SNAP47: variants seen among roughly 807,000 people sequenced by gnomAD.
SNAP47 encodes synaptosomal-associated protein 47.
In SNAP47, 20 loss-of-function variants were observed where a neutral mutation model predicts 31.4. That is an observed-to-expected ratio of 0.64 (90% CI 0.45 to 0.93). The LOEUF is 0.93. SNAP47 is among the 40% of genes least tolerant of loss of function. The probability of loss-of-function intolerance (pLI) is 0.00; values close to 1 mark genes in which losing one functional copy is unlikely to be tolerated. For synonymous variants in SNAP47, 194 were observed against 213.4 expected (o/e 0.91, Z 0.79); for missense variants, 492 against 528.5 (o/e 0.93, Z 0.68).
upstream of SNAP47, chr1:227,732,339 C>T (rs1021239883): frequency 1.1e-5 from 17 of 1,591,204 alleles, no homozygotes; most frequent in Admixed American, 5.0e-5. Context: ...GGAAGGGCCC[C>T]GGAGCAGGAG....
In SNAP47 at chr1:227,766,698, A is replaced by G. The variant is rs190583663; in HGVS notation, c.989-261A>G. 3.6e-3 allele frequency among the ~76,000 whole-genome samples: 544 copies of G among 152,302 alleles called. 4 individuals carry two copies. Among genetic ancestry groups the G allele is most frequent in the Non-Finnish European group, 4.5e-3 (308 of 68,012 alleles). On this transcript the variant is annotated intron_variant, in intron 3 of 4. Coordinates refer to ENST00000617596, the MANE Select transcript of SNAP47 (RefSeq NM_053052.4). ...CAAATCTTCAGCCTTTCTCAAAAAT[A>G]AAATAAAATAAAACCACTTGGGATG... is the stretch of plus-strand genomic sequence containing the variant.
Position 227,759,679 on chromosome 1 carries a change from T to G in SNAP47, c.988+194T>G, listed in dbSNP as rs1662940019. On this transcript the variant is annotated intron_variant, in intron 3 of 4. Coordinates refer to ENST00000617596, the MANE Select transcript of SNAP47 (RefSeq NM_053052.4). ...TTTCCTTGTACTTGACATCTGTGAA[T>G]CTGAAATCACTGAGAGTTAACTGTA... The G allele has an allele frequency of 4.4e-6, 3 of 677,260 alleles. No individual in the cohort carries two copies. In the South Asian group the frequency reaches 5.8e-5, roughly 13 times the overall value. The allele number at this position is 677,260 out of a possible 1,614,324, so 42.0% of individuals were successfully genotyped here.
At chr1:227,733,180 T>A (rs1257372865), upstream of SNAP47, 5 of 958,300 alleles carry the variant, frequency 5.2e-6, no homozygotes, top group Non-Finnish European at 7.6e-6. Flanking sequence ...AGCAGGGAAG[T>A]GGGTGGCGGG....
upstream of SNAP47, chr1:227,734,713 GTAC>G (rs776161471): frequency 6.2e-7 from 1 of 1,614,132 alleles, no homozygotes; most frequent in South Asian, 1.1e-5. Flanking sequence ...CCGCCTGTAT[GTAC>G]TCTTTCCAGT....
upstream of SNAP47, chr1:227,732,766 A>G: frequency 3.1e-6 from 5 of 1,590,214 alleles, no homozygotes; most frequent in Non-Finnish European, 4.3e-6. Flanking sequence ...CCAAGGACGA[A>G]GAAGGGACCA....
chr1:227,754,532 G>A (rs1662576648), intron 2 of SNAP47, among the ~76,000 whole-genome samples: 1 of 152,134 alleles, frequency 6.6e-6, no homozygotes, highest in South Asian at 2.1e-4. Context: ...CATTTAAAGG[G>A]ACCACGCCCT....
At chr1:227,733,661 A>T (rs750417339), upstream of SNAP47, 1 of 1,601,814 alleles carries the variant, frequency 6.2e-7, no homozygotes, top group African/African-American at 1.3e-5. Context: ...GGAGCGGAAG[A>T]TGTCAGCATG....
intron 1 of SNAP47, chr1:227,728,839 G>C (rs1387690902): frequency 6.6e-6 from 1 of 152,386 alleles, no homozygotes; most frequent in Non-Finnish European, 1.5e-5. Context: ...AACGGTCTCG[G>C]GAGCAGGCAG....
chr1:227,764,868 C>T (rs1663290913), intron 3 of SNAP47, among the ~76,000 whole-genome samples: 1 of 152,014 alleles, frequency 6.6e-6, no homozygotes, highest in Non-Finnish European at 1.5e-5. Context: ...CACACCACTG[C>T]ACTCCAGCCT....
intron 4 of SNAP47, among the ~76,000 whole-genome samples, chr1:227,775,151 C>T (rs1207119503): frequency 6.6e-6 from 1 of 152,330 alleles, no homozygotes; most frequent in East Asian, 1.9e-4. Context: ...TTGGGCGGGC[C>T]GCAGGGTGGT....
chr1:227,738,001 CTTTGGTTTTT>C (rs770554204), intron 1 of SNAP47, among the ~76,000 whole-genome samples: 2 of 151,722 alleles, frequency 1.3e-5, no homozygotes, highest in Admixed American at 6.6e-5. Context: ...GGTTTTTTTG[CTTTGGTTTTT>C]TTTGGTTTTT....
At chr1:227,728,171 G>A (rs1660435623), upstream of SNAP47, among the ~76,000 whole-genome samples, 1 of 152,232 alleles carries the variant, frequency 6.6e-6, no homozygotes, top group South Asian at 2.1e-4. Flanking sequence ...TGGAACCACA[G>A]GCGGTGAGTC....
At chr1:227,758,923 T>C in intron 2 of SNAP47, 72 bp from the exon 3 acceptor site, 1 of 1,513,294 alleles carries the variant, frequency 6.6e-7, no homozygotes, top group South Asian at 1.4e-5. Context: ...TTAAAACCGT[T>C]TTCCAAAAAA....
intron 1 of SNAP47, chr1:227,744,130 ATAAAGACAGGAAAAACAGTC>A (rs1661799938): frequency 6.6e-6 from 1 of 151,506 alleles, no homozygotes; most frequent in African/African-American, 2.4e-5. Flanking sequence ...TGCTTAGGGA[ATAAAGACAGGAAAAACAGTC>A]TGTGTATGTT....
chr1:227,749,133 G>A (rs1558196555), intron 2 of SNAP47, among the ~76,000 whole-genome samples: 3 of 152,116 alleles, frequency 2.0e-5, no homozygotes, highest in Non-Finnish European at 2.9e-5. Flanking sequence ...TTCTGTGTTT[G>A]GATATTATTA....
chr1:227,742,997 G>A (rs1016764706), intron 1 of SNAP47, among the ~76,000 whole-genome samples: 1 of 152,172 alleles, frequency 6.6e-6, no homozygotes, highest in African/African-American at 2.4e-5. Flanking sequence ...CCTGGAGGGG[G>A]TGGGTCCTGT....
chr1:227,742,110 A>G lies in SNAP47; in HGVS notation c.-45-5582A>G, dbSNP rs188836616. On this transcript the variant is annotated intron_variant, in intron 1 of 4. Transcript: ENST00000617596. Reference sequence around the variant, plus strand: ...TTAGTTACATATGTATACATGTGCCATGCTGGTGTGCTGCACCCACTAACT... The same window carrying G: ...TTAGTTACATATGTATACATGTGCCGTGCTGGTGTGCTGCACCCACTAACT... 1.3e-4 allele frequency among the ~76,000 whole-genome samples: 20 copies of G among 151,762 alleles called. No individual in the cohort carries two copies. In the East Asian group the frequency reaches 3.3e-3, roughly 25 times the overall value.
chr1:227,759,174 A>G lies in SNAP47; in HGVS notation c.677A>G (p.Lys226Arg). ...VISHRTESHV[K>R]PGRLTVLVSG... ...TCCCACAGAACAGAGTCTCACGTTAAACCAGGGAGGCTCACCGTCCTTGTG... is the reference window on the plus strand; with the variant it reads ...TCCCACAGAACAGAGTCTCACGTTAGACCAGGGAGGCTCACCGTCCTTGTG... The change falls in exon 3 of 5, where the codon AAA (lysine) becomes AGA (arginine). Residue 226 changes from lysine (K) to arginine (R), a missense_variant. Physicochemically the swap from Lys to Arg is conservative, Grantham distance 26. Coordinates refer to ENST00000617596, the MANE Select transcript of SNAP47 (RefSeq NM_053052.4). The G allele has an allele frequency of 6.2e-7, 1 of 1,614,190 alleles. No homozygotes were observed. Among genetic ancestry groups the G allele is most frequent in the Non-Finnish European group, 8.5e-7 (1 of 1,180,036 alleles).
At chr1:227,758,600 C>T (rs1311157723) in intron 2 of SNAP47, among the ~76,000 whole-genome samples, 1 of 152,230 alleles carries the variant, frequency 6.6e-6, no homozygotes, top group African/African-American at 2.4e-5. Flanking sequence ...ACAGTATGGA[C>T]AGCGCAGACG....
Sources: gnomAD v4.1 joint callset for allele counts (sites outside exome capture counted in the v4.1 genomes callset) on GRCh38, gnomAD v4.1.1 for gene constraint, MANE v1.5 for transcripts, NCBI Gene and HGNC (gene_info 2026-07-23, HGNC 2026-07-21) for gene names.